OPCML: variants seen among roughly 807,000 people sequenced by gnomAD.
The protein encoded by OPCML is opioid-binding protein/cell adhesion molecule.
A neutral mutation model predicts 37.8 loss-of-function variants in OPCML; 13 were observed. That is an observed-to-expected ratio of 0.34 (90% CI 0.22 to 0.55). OPCML has a LOEUF of 0.55. OPCML is among the 20% of genes least tolerant of loss of function. The pLI, the probability that OPCML is intolerant of heterozygous loss-of-function variation, is 0.91. For missense variants in OPCML, 341 were observed against 435.6 expected (o/e 0.78, Z 1.93); for synonymous variants, 176 against 168.8 (o/e 1.04, Z -0.33).
chr11:132,519,571 G>T, intron 4 of OPCML, among the ~76,000 whole-genome samples: 1 of 152,170 alleles, frequency 6.6e-6, no homozygotes, highest in East Asian at 1.9e-4. Context: ...GAAAATGTAC[G>T]CAAGCAAAGG....
At chr11:132,448,233 G>T (rs188032895) in intron 4 of OPCML, among the ~76,000 whole-genome samples, 10 of 152,266 alleles carry the variant, frequency 6.6e-5, no homozygotes, top group Admixed American at 3.9e-4. Flanking sequence ...TTTATTTGAT[G>T]CTGTCTCTTT....
intron 1 of OPCML, among the ~76,000 whole-genome samples, chr11:133,359,445 T>G (rs1455467066): frequency 1.3e-5 from 2 of 152,244 alleles, no homozygotes; most frequent in Non-Finnish European, 2.9e-5. Flanking sequence ...TGACTAGTGC[T>G]GACATCAGTG....
At chr11:133,207,016 G>A (rs915627823) in intron 1 of OPCML, among the ~76,000 whole-genome samples, 4 of 151,820 alleles carry the variant, frequency 2.6e-5, no homozygotes, top group African/African-American at 7.3e-5. Context: ...AGCCGGGCGC[G>A]GTGGCTCACG....
intron 1 of OPCML, among the ~76,000 whole-genome samples, chr11:133,461,376 A>G (rs1484288600): frequency 1.3e-5 from 2 of 151,888 alleles, no homozygotes; most frequent in Non-Finnish European, 2.9e-5. Context: ...GAATTAATAA[A>G]TCAATTCAGC....
Position 133,212,125 on chromosome 11 carries a change from T to C in OPCML, c.62-269115A>G, listed in dbSNP as rs762012493. ...TGGGGGGTCAGGATCCTTCACCTGC[T>C]GGAACCTGAGCATGAAAGTACCCAC... On this transcript the variant is annotated intron_variant, in intron 1 of 7. Coordinates refer to ENST00000524381, the MANE Select transcript of OPCML (RefSeq NM_001012393.5). This position sits in a 1 kb window ranked among gnomAD's most constrained non-coding sequence, Gnocchi z 4.9. Among the ~76,000 whole-genome samples the C allele has an allele frequency of 6.0e-5, 9 of 149,830 alleles. No homozygotes were observed. The highest frequency in any genetic ancestry group is 1.2e-4 in the Non-Finnish European group (8 of 68,018).
At chr11:133,336,211 C>G (rs2136659676) in intron 1 of OPCML, among the ~76,000 whole-genome samples, 1 of 152,296 alleles carries the variant, frequency 6.6e-6, no homozygotes, top group East Asian at 1.9e-4. Context: ...TAATACTAAT[C>G]CCTTCTGTCT....
At chr11:133,257,814 T>C (rs1416541408) in intron 1 of OPCML, among the ~76,000 whole-genome samples, 4 of 151,976 alleles carry the variant, frequency 2.6e-5, no homozygotes, top group Non-Finnish European at 5.9e-5. Context: ...GATGCCCTAT[T>C]CCTTCCTTTT....
chr11:133,265,656 G>T (rs902821335), intron 1 of OPCML, among the ~76,000 whole-genome samples: 2 of 152,188 alleles, frequency 1.3e-5, no homozygotes, highest in Admixed American at 1.3e-4. Flanking sequence ...ATCACAGTGG[G>T]GTTGGCTCAG....
At chr11:133,461,852 T>C (rs2136986609) in intron 1 of OPCML, among the ~76,000 whole-genome samples, 1 of 151,960 alleles carries the variant, frequency 6.6e-6, no homozygotes, top group African/African-American at 2.4e-5. Flanking sequence ...AACAAAGGTG[T>C]AGGTCTCACA....
intron 2 of OPCML, among the ~76,000 whole-genome samples, chr11:132,881,177 G>A (rs1160867909): frequency 6.6e-6 from 1 of 152,236 alleles, no homozygotes; most frequent in Non-Finnish European, 1.5e-5. Flanking sequence ...ATATTTAGGA[G>A]AGGATGAGAT....
At chr11:133,303,828 A>G (rs1280700099) in intron 1 of OPCML, among the ~76,000 whole-genome samples, 1 of 152,194 alleles carries the variant, frequency 6.6e-6, no homozygotes, top group Admixed American at 6.5e-5. Context: ...AAAAAGTTGC[A>G]GAATAGGGTC....
At chr11:132,554,600 ACC>A (rs896649421) in intron 3 of OPCML, among the ~76,000 whole-genome samples, 3 of 152,024 alleles carry the variant, frequency 2.0e-5, no homozygotes, top group Admixed American at 2.0e-4. Context: ...TGCAGGTACC[ACC>A]CCACCTGCTG....
At chr11:133,296,292 T>C (rs1324568959) in intron 1 of OPCML, among the ~76,000 whole-genome samples, 2 of 152,190 alleles carry the variant, frequency 1.3e-5, no homozygotes, top group African/African-American at 2.4e-5. Context: ...GTCTGTATTT[T>C]ATTTAGATTG....
In OPCML at chr11:132,430,849, C is replaced by T. The variant is rs3781634; in HGVS notation, c.916+5237G>A. Among the ~76,000 whole-genome samples, 30 of 152,318 alleles carry T rather than the reference C, an allele frequency of 2.0e-4. No homozygotes were observed. In the East Asian group the frequency reaches 5.0e-3, roughly 25 times the overall value. The stretch of plus-strand genomic sequence containing the variant: ...CATGCCTCATTAAGCACGTCGCACT[C>T]TCTGCAGTGCCAGATGTAATCAAGT... On this transcript the variant is annotated intron_variant, in intron 7 of 7. Coordinates refer to ENST00000524381, the MANE Select transcript of OPCML (RefSeq NM_001012393.5).
chr11:132,956,202 T>C (rs1246205097), intron 1 of OPCML, among the ~76,000 whole-genome samples: 1 of 152,152 alleles, frequency 6.6e-6, no homozygotes, highest in Non-Finnish European at 1.5e-5. Flanking sequence ...GCCCATACAC[T>C]ACTGATGTTG....
intron 4 of OPCML, among the ~76,000 whole-genome samples, chr11:132,495,690 G>C (rs2096228978): frequency 1.3e-5 from 2 of 152,206 alleles, no homozygotes; most frequent in South Asian, 4.1e-4. Context: ...AGGAGATTGA[G>C]ACCATCCTGG....
At chr11:133,270,377 A>G (rs961245437) in intron 1 of OPCML, among the ~76,000 whole-genome samples, 1 of 152,092 alleles carries the variant, frequency 6.6e-6, no homozygotes, top group Non-Finnish European at 1.5e-5. Context: ...GAAAAAAAAA[A>G]CCATCTCTTT....
intron 1 of OPCML, among the ~76,000 whole-genome samples, chr11:133,090,003 A>G (rs1035443548): frequency 1.3e-5 from 2 of 152,330 alleles, no homozygotes; most frequent in African/African-American, 4.8e-5. Context: ...TCAAAAATGT[A>G]CACAGGTAAA....
intron 2 of OPCML, among the ~76,000 whole-genome samples, chr11:132,761,552 A>C (rs1381055773): frequency 6.6e-6 from 1 of 151,756 alleles, no homozygotes; most frequent in Non-Finnish European, 1.5e-5. Flanking sequence ...TTATTTCATT[A>C]AGTTGATCTT....
Sources: allele counts gnomAD v4.1 joint callset (sites outside exome capture counted in the v4.1 genomes callset), GRCh38; gene constraint gnomAD v4.1.1; non-coding constraint Gnocchi (gnomAD v3.1); transcripts MANE v1.5; gene names NCBI Gene and HGNC (gene_info 2026-07-23, HGNC 2026-07-21).